Variants in SPPL3 observed in about 807,000 individuals in gnomAD.
The protein encoded by SPPL3 is signal peptide peptidase like 3.
In SPPL3, 5 loss-of-function variants were observed where a neutral mutation model predicts 42.4. The ratio of observed to expected loss-of-function variants is 0.12; its 90% CI spans 0.06 to 0.25. The LOEUF (loss-of-function observed/expected upper bound fraction) is 0.25. SPPL3 is among the 10% of genes least tolerant of loss of function. SPPL3 has a pLI of 1.00. For missense variants in SPPL3, 235 were observed against 489.0 expected, an observed-to-expected ratio of 0.48 and a Z score of 4.90; for synonymous variants, 195 against 181.8, an observed-to-expected ratio of 1.07 and a Z score of -0.58.
intron 1 of SPPL3, among the ~76,000 whole-genome samples, chr12:120,889,279 T>C (rs1009732614): frequency 6.6e-6 from 1 of 152,228 alleles, no homozygotes; most frequent in Admixed American, 6.5e-5. Context: ...GAGGGAACTT[T>C]AACTGTGGTA....
chr12:120,767,318 A>T, intron 9 of SPPL3, 76 bp downstream of exon 9: 1 of 1,461,806 alleles, frequency 6.8e-7, no homozygotes, highest in Non-Finnish European at 9.4e-7. Context: ...AACTGTAGCT[A>T]GAAGACCTGA....
chr12:120,799,245 T>G (rs1870208405), intron 2 of SPPL3, among the ~76,000 whole-genome samples: 2 of 152,212 alleles, frequency 1.3e-5, no homozygotes, highest in Non-Finnish European at 2.9e-5. Flanking sequence ...CAAAATCATC[T>G]AACACAAAGG....
intron 1 of SPPL3, among the ~76,000 whole-genome samples, chr12:120,900,627 C>T (rs892345070): frequency 6.7e-6 from 1 of 148,958 alleles, no homozygotes; most frequent in African/African-American, 2.5e-5. Flanking sequence ...AGATCAATTG[C>T]CGGGTGTGGT....
At chr12:120,778,566 C>T (rs934464105) in intron 6 of SPPL3, among the ~76,000 whole-genome samples, 1 of 152,164 alleles carries the variant, frequency 6.6e-6, no homozygotes, top group Non-Finnish European at 1.5e-5. Flanking sequence ...CCCTACTCCT[C>T]CACACAAACC....
At chr12:120,799,790 C>A (rs937599459) in intron 2 of SPPL3, among the ~76,000 whole-genome samples, 1 of 152,142 alleles carries the variant, frequency 6.6e-6, no homozygotes, top group Admixed American at 6.5e-5. Context: ...TGGGAAGATT[C>A]ATATCTTCCA....
At chr12:120,884,098 T>G (rs1460762245) in intron 1 of SPPL3, among the ~76,000 whole-genome samples, 1 of 39,012 alleles carries the variant, frequency 2.6e-5, no homozygotes, top group Admixed American at 3.7e-4. Flanking sequence ...CGAAACTATG[T>G]CTCAAAAAAA....
chr12:120,825,534 G>C (rs1871208936), intron 1 of SPPL3, among the ~76,000 whole-genome samples: 1 of 152,152 alleles, frequency 6.6e-6, no homozygotes, highest in Non-Finnish European at 1.5e-5. Flanking sequence ...CATGTACACA[G>C]GAATATCAAC....
intron 3 of SPPL3, among the ~76,000 whole-genome samples, chr12:120,787,535 T>G (rs940201249): frequency 1.3e-5 from 2 of 152,168 alleles, no homozygotes; most frequent in African/African-American, 4.8e-5. Context: ...CTTTCTAACC[T>G]TTTTTATGGT....
intron 1 of SPPL3, among the ~76,000 whole-genome samples, chr12:120,825,813 TCAAGGAGAC>T (rs1871215514): frequency 1.3e-5 from 2 of 151,906 alleles, no homozygotes; most frequent in Admixed American, 1.3e-4. Context: ...GAGACTAGAA[TCAAGGAGAC>T]CAAGTAAGAT....
chr12:120,832,637 G>A lies in SPPL3; in HGVS notation c.24-21751C>T, dbSNP rs552885218. Among the ~76,000 whole-genome samples the A allele has an allele frequency of 2.0e-5, 3 of 151,970 alleles. No individual in the cohort carries two copies. The South Asian group carries it at 6.2e-4, about 32-fold the overall frequency. On this transcript the variant is annotated intron_variant, in intron 1 of 10. Transcript: ENST00000353487. The stretch of plus-strand genomic sequence containing the variant: ...GCTGAGATCACACCATTGCACTCCG[G>A]CCTGGGGAACAAGAACGAAACTCCG...
rs1201862413 is a variant in SPPL3 at position 120,878,274 on chromosome 12, AT to A, written c.23+25570del. Among the ~76,000 whole-genome samples the A allele has an allele frequency of 1.6e-4, 25 of 152,218 alleles. 1 individual carries two copies. Among genetic ancestry groups the A allele is most frequent in the Non-Finnish European group, 1.8e-4 (12 of 68,046 alleles). ...AGGAATATACCAGAATATCATGAAG[AT>A]TTTGTCCCAGTTAAGTAACAGCTGT... On this transcript the variant is annotated intron_variant, in intron 1 of 10. Coordinates refer to ENST00000353487, the MANE Select transcript of SPPL3 (RefSeq NM_139015.5).
intron 2 of SPPL3, among the ~76,000 whole-genome samples, chr12:120,798,850 T>C (rs1870195110): frequency 6.6e-6 from 1 of 152,204 alleles, no homozygotes; most frequent in Admixed American, 6.5e-5. Context: ...CTATTCTGGA[T>C]TGGAAGGTTG....
intron 1 of SPPL3, among the ~76,000 whole-genome samples, chr12:120,899,002 G>A (rs904643631): frequency 3.3e-5 from 5 of 152,150 alleles, no homozygotes; most frequent in South Asian, 2.1e-4. Context: ...ACGAGTTCCC[G>A]TTTCTCACAG....
chr12:120,868,826 T>C (rs533798675), intron 1 of SPPL3, among the ~76,000 whole-genome samples: 1 of 152,300 alleles, frequency 6.6e-6, no homozygotes, highest in African/African-American at 2.4e-5. Context: ...AATATTTTCA[T>C]ATACATCTGA....
intron 2 of SPPL3, among the ~76,000 whole-genome samples, chr12:120,806,574 C>A (rs544291563): frequency 6.6e-6 from 1 of 152,182 alleles, no homozygotes; most frequent in Non-Finnish European, 1.5e-5. Context: ...GAGAGCCAGG[C>A]GCGGTGGCTC....
At chr12:120,848,034 C>T (rs1022178155) in intron 1 of SPPL3, among the ~76,000 whole-genome samples, 1 of 152,152 alleles carries the variant, frequency 6.6e-6, no homozygotes, top group Non-Finnish European at 1.5e-5. Flanking sequence ...AAAATCTAGT[C>T]TTGTTCATCA....
rs1869541007 is a variant in SPPL3, at chr12:120,781,555, G to GTGTTTTTTTTTTTTTTTTTTTTTT, written c.502+1099_502+1100insAAAAAAAAAAAAAAAAAAAAAACA. Among the ~76,000 whole-genome samples, 5 of 62,994 alleles carry GTGTTTTTTTTTTTTTTTTTTTTTT rather than the reference G, an allele frequency of 7.9e-5. 2 individuals carry two copies. The highest frequency in any genetic ancestry group is 3.4e-4 in the African/African-American group (5 of 14,614). The allele number at this position is 62,994 out of a possible 152,430, so 41.3% of individuals were successfully genotyped here. A position where few individuals can be genotyped will look rare whatever the true frequency, so the allele number is the denominator to read the frequency against. On this transcript the variant is annotated intron_variant, in intron 6 of 10. Coordinates refer to ENST00000353487, the MANE Select transcript of SPPL3 (RefSeq NM_139015.5). The stretch of plus-strand genomic sequence containing the variant: ...TCTAATCCCATCTCCTTATTGTTAC[G>GTGTTTTTTTTTTTTTTTTTTTTTT]TTTTTTTTTTTTTTTTTTTTTTTTT...
chr12:120,866,254 T>C (rs1053238223), intron 1 of SPPL3, among the ~76,000 whole-genome samples: 26 of 152,198 alleles, frequency 1.7e-4, no homozygotes, highest in African/African-American at 6.0e-4. Context: ...AACCAGTCCC[T>C]GGTGCCAAAA....
At chr12:120,873,707 A>G (rs951868357) in intron 1 of SPPL3, among the ~76,000 whole-genome samples, 6 of 152,028 alleles carry the variant, frequency 3.9e-5, no homozygotes, top group African/African-American at 1.4e-4. Context: ...CCCCGTCTCT[A>G]ATAAAAATAC....
Sources: gnomAD v4.1 joint callset for allele counts (sites outside exome capture counted in the v4.1 genomes callset) on GRCh38, gnomAD v4.1.1 for gene constraint, MANE v1.5 for transcripts, NCBI Gene and HGNC (gene_info 2026-07-23, HGNC 2026-07-21) for gene names.